OSCP1: variants seen among roughly 807,000 people sequenced by gnomAD.
OSCP1 encodes the protein organic solute carrier partner 1.
Under a neutral mutation model 45.1 loss-of-function variants are expected in OSCP1, and 35 were observed. That is an observed-to-expected ratio of 0.78 (90% CI 0.59 to 1.03). The LOEUF is 1.03. Among genes scored for constraint, OSCP1 ranks in the 50% least tolerant of loss-of-function variants. The pLI is 0.00. For missense variants in OSCP1, 400 were observed against 470.7 expected, an observed-to-expected ratio of 0.85 and a Z score of 1.39; for synonymous variants, 179 against 180.1, an observed-to-expected ratio of 0.99 and a Z score of 0.05.
intron 8 of OSCP1, among the ~76,000 whole-genome samples, chr1:36,419,652 A>G (rs1206637615): frequency 6.6e-6 from 1 of 152,126 alleles, no homozygotes; most frequent in African/African-American, 2.4e-5. Flanking sequence ...GTGATTTACT[A>G]TTGCTGTTGG....
intron 2 of OSCP1, among the ~76,000 whole-genome samples, chr1:36,435,336 G>T (rs554585122): frequency 2.6e-5 from 4 of 151,646 alleles, no homozygotes; most frequent in Non-Finnish European, 5.9e-5. Context: ...TATTAGAGAC[G>T]GGTTTTTGCT....
chr1:36,425,017 A>T (rs1647877452), intron 4 of OSCP1, among the ~76,000 whole-genome samples: 1 of 151,830 alleles, frequency 6.6e-6, no homozygotes, highest in Non-Finnish European at 1.5e-5. Flanking sequence ...TAATAAAAAT[A>T]AAAAAATTAC....
chr1:36,422,101 C>T (rs2236565), intron 7 of OSCP1, 49 bp downstream of exon 7: 1,007,743 of 1,542,634 alleles, frequency 0.65, 331,897 homozygotes, highest in African/African-American at 0.81. Flanking sequence ...TGTAGACTTC[C>T]GTATCTAGAG....
chr1:36,440,269 C>T (rs80306124), intron 1 of OSCP1, among the ~76,000 whole-genome samples: 4,622 of 152,210 alleles, frequency 0.03, 222 homozygotes, highest in African/African-American at 0.1. Flanking sequence ...CCGGAGGGCT[C>T]AGGCCCGCAT....
At chr1:36,446,908 C>A (rs1461816454) in intron 1 of OSCP1, among the ~76,000 whole-genome samples, 1 of 152,162 alleles carries the variant, frequency 6.6e-6, no homozygotes, top group Non-Finnish European at 1.5e-5. Flanking sequence ...AAACAGGAGA[C>A]AACATTCAAT....
chr1:36,450,406 G>C lies in OSCP1; in HGVS notation c.-37C>G, dbSNP rs760639855. 17 of 1,570,152 alleles carry C rather than the reference G, an allele frequency of 1.1e-5. No homozygotes were observed. In the Admixed American group the frequency reaches 2.9e-4, roughly 26 times the overall value. Reference sequence around the variant, plus strand: ...CGAGCTGGACTGGTGAAGAGCCCCGGGGTTCGGTAGCCAGTGGCCTGAAGG... The same window carrying C: ...CGAGCTGGACTGGTGAAGAGCCCCGCGGTTCGGTAGCCAGTGGCCTGAAGG... On this transcript the variant is annotated 5_prime_UTR_variant, in exon 1 of 10. Coordinates refer to ENST00000235532, the MANE Select transcript of OSCP1 (RefSeq NM_145047.5).
intron 9 of OSCP1, 50 bp from the exon 10 acceptor site, chr1:36,418,305 G>T (rs528292868): frequency 6.4e-7 from 1 of 1,567,840 alleles, no homozygotes; most frequent in Non-Finnish European, 8.8e-7. Context: ...GTGCTGGCAG[G>T]CCGCCTCTTT....
chr1:36,418,203 G>A lies in OSCP1; in HGVS notation c.1076C>T (p.Thr359Met), dbSNP rs757225346. 9 of 1,614,152 alleles carry A rather than the reference G, an allele frequency of 5.6e-6. No individual in the cohort carries two copies. The highest frequency in any genetic ancestry group is 1.1e-5 in the South Asian group (1 of 91,084). The stretch of plus-strand genomic sequence containing the variant: ...GCTGGTGCTCAGCCTTGGCTGCTCC[G>A]TGATCTCAAACTCCCCCATGATTCG... ...LARIMGEFEI[T>M]EQPRLSTSKG... is the part of the protein sequence containing the mutation. The change falls in exon 10 of 10, where the codon ACG becomes ATG. Residue 359 changes from threonine (T) to methionine (M), a missense_variant. Coordinates refer to ENST00000235532, the MANE Select transcript of OSCP1 (RefSeq NM_145047.5).
In OSCP1 at chr1:36,418,081, C is replaced by T. The variant is rs982055068; in HGVS notation, c.*58G>A. 1.4e-6 allele frequency: 2 copies of T among 1,461,060 alleles called. No homozygotes were observed. The highest frequency in any genetic ancestry group is 1.9e-6 in the Non-Finnish European group (2 of 1,046,058). The allele number at this position is 1,461,060 out of a possible 1,614,324, so 90.5% of individuals were successfully genotyped here. On this transcript the variant is annotated 3_prime_UTR_variant, in exon 10 of 10. Transcript: ENST00000235532. ...ATCATTCTGGGCCATGGGGCATTCCCCAGGGGTCACCATCCAGCAGCCTCT... is the reference window on the plus strand; with the variant it reads ...ATCATTCTGGGCCATGGGGCATTCCTCAGGGGTCACCATCCAGCAGCCTCT...
At chr1:36,423,320 C>T (rs771981154) in intron 5 of OSCP1, 43 bp downstream of exon 5, 115 of 1,484,018 alleles carry the variant, frequency 7.7e-5, no homozygotes, top group Non-Finnish European at 5.7e-5. Flanking sequence ...GTGCTGATTT[C>T]CTAGCACCCC....
chr1:36,441,185 C>A (rs16822988), intron 1 of OSCP1, among the ~76,000 whole-genome samples: 15,540 of 152,120 alleles, frequency 0.1, 943 homozygotes, highest in East Asian at 0.29. Context: ...AGTACAAATG[C>A]CCCCAAAGAG....
intron 1 of OSCP1, among the ~76,000 whole-genome samples, chr1:36,445,827 G>A (rs913237574): frequency 2.3e-4 from 35 of 152,082 alleles, no homozygotes; most frequent in Admixed American, 6.6e-4. Flanking sequence ...CGATTCTCCC[G>A]CCTCAGCCTC....
chr1:36,422,921 G>A (rs565224545), intron 5 of OSCP1, 25 bp from the exon 6 acceptor site: 2 of 1,550,544 alleles, frequency 1.3e-6, no homozygotes, highest in African/African-American at 1.4e-5. Flanking sequence ...ATGACATGAT[G>A]GAATGTTCTC....
In OSCP1 at chr1:36,422,153, G is replaced by A. The variant is rs1647654030; in HGVS notation, c.816C>T (p.Thr272=). 1 of 1,613,742 alleles carries A rather than the reference G, an allele frequency of 6.2e-7. No individual in the cohort carries two copies. Among genetic ancestry groups the A allele is most frequent in the Non-Finnish European group, 8.5e-7 (1 of 1,179,674 alleles). Residue 272 remains threonine, a synonymous_variant, in exon 7 of 10, where the codon ACC becomes ACT. Coordinates refer to ENST00000235532, the MANE Select transcript of OSCP1 (RefSeq NM_145047.5). The part of the protein sequence containing the change: ...SGSSKNLASW[T]QESIAPNPLA... ...GGCAAGGAAGGCAGAAGCTCACCTG[G>A]GTCCATGAGGCTAAGTTCTTTGATG...
intron 1 of OSCP1, among the ~76,000 whole-genome samples, chr1:36,441,787 A>AT (rs1649189868): frequency 7.2e-6 from 1 of 139,332 alleles, no homozygotes; most frequent in Non-Finnish European, 1.6e-5. Flanking sequence ...TTTGTTTTTT[A>AT]TTTTTTTCCC....
chr1:36,425,360 T>C (rs1476805517), intron 4 of OSCP1, among the ~76,000 whole-genome samples: 5 of 152,150 alleles, frequency 3.3e-5, no homozygotes, highest in South Asian at 2.1e-4. Flanking sequence ...CAGTTTTCCC[T>C]TTGGTAACCT....
chr1:36,436,661 T>C (rs1648768337), intron 2 of OSCP1, among the ~76,000 whole-genome samples: 1 of 152,230 alleles, frequency 6.6e-6, no homozygotes, highest in Admixed American at 6.5e-5. Context: ...GGTAGTCCTC[T>C]TTCACATGGT....
intron 9 of OSCP1, chr1:36,418,488 C>G (rs924383092): frequency 1.6e-5 from 9 of 576,020 alleles, no homozygotes; most frequent in Non-Finnish European, 2.8e-5. Context: ...TACAGAATAG[C>G]AGATGGGTAT....
At chr1:36,443,799 G>GT (rs1319973684) in intron 1 of OSCP1, among the ~76,000 whole-genome samples, 1 of 152,228 alleles carries the variant, frequency 6.6e-6, no homozygotes, top group East Asian at 1.9e-4. Flanking sequence ...AGTTTGCTTA[G>GT]TTTTCATCTT....
Sources: gnomAD v4.1 joint callset for allele counts (sites outside exome capture counted in the v4.1 genomes callset) on GRCh38, gnomAD v4.1.1 for gene constraint, MANE v1.5 for transcripts, NCBI Gene and HGNC (gene_info 2026-07-23, HGNC 2026-07-21) for gene names.